Variants in ERC2 observed in about 807,000 individuals in gnomAD.
ERC2 encodes ERC protein 2.
In ERC2, 42 loss-of-function variants were observed where a neutral mutation model predicts 114.8. The observed-to-expected ratio is 0.37, with a 90% CI of 0.29 to 0.47. ERC2 has a LOEUF of 0.47. Ranked by LOEUF, ERC2 falls within the 20% of genes least tolerant of loss-of-function variation. The pLI is 0.99. For synonymous variants in ERC2, 454 were observed against 425.5 expected (o/e 1.07, Z -0.82); for missense variants, 939 against 1,150.7 (o/e 0.82, Z 2.66).
intron 17 of ERC2, among the ~76,000 whole-genome samples, chr3:55,545,294 G>A (rs1201026156): frequency 6.6e-6 from 1 of 152,180 alleles, no homozygotes; most frequent in Admixed American, 6.5e-5. Flanking sequence ...GGCAACCAGA[G>A]AGCTCCTTCT....
At chr3:56,213,325 T>A (rs1188114499) in intron 3 of ERC2, among the ~76,000 whole-genome samples, 1 of 152,208 alleles carries the variant, frequency 6.6e-6, no homozygotes, top group Non-Finnish European at 1.5e-5. Flanking sequence ...CCTAATACTG[T>A]GCTTTTCCTA....
At chr3:56,304,613 T>C (rs2056100102) in intron 2 of ERC2, among the ~76,000 whole-genome samples, 1 of 152,156 alleles carries the variant, frequency 6.6e-6, no homozygotes, top group South Asian at 2.1e-4. Flanking sequence ...ACTTAGACGA[T>C]GAGTATTATT....
At position 55,674,676 on chromosome 3, in the gene ERC2, G is replaced by A. The variant is rs537078571; in HGVS notation, c.*39+9118C>T. Among the ~76,000 whole-genome samples, 46 of 152,174 alleles carry A rather than the reference G, an allele frequency of 3.0e-4. 1 individual carries two copies. The South Asian group carries it at 4.6e-3, about 15-fold the overall frequency. ...ATATGGGAGTCTGCCTTTTTATTCT[G>A]GATCTAATAGGTTTAACTGAGAAAT... On this transcript the variant is annotated intron_variant, in intron 17 of 17. Coordinates refer to ENST00000288221, the MANE Select transcript of ERC2 (RefSeq NM_015576.3).
At chr3:55,677,733 A>T (rs750717074) in intron 17 of ERC2, among the ~76,000 whole-genome samples, 1 of 152,146 alleles carries the variant, frequency 6.6e-6, no homozygotes, top group Non-Finnish European at 1.5e-5. Flanking sequence ...TTTCTGAGTC[A>T]CTGGCCCCTC....
At chr3:55,715,133 C>T (rs1049899396) in intron 15 of ERC2, among the ~76,000 whole-genome samples, 1 of 152,188 alleles carries the variant, frequency 6.6e-6, no homozygotes, top group Non-Finnish European at 1.5e-5. Context: ...ACCAATCTCT[C>T]TTAAGTTTAG....
chr3:55,669,802 C>T (rs1294696846), intron 17 of ERC2, among the ~76,000 whole-genome samples: 2 of 152,226 alleles, frequency 1.3e-5, no homozygotes, highest in African/African-American at 4.8e-5. Flanking sequence ...GAGAATGGTT[C>T]CATTTGTTCC....
chr3:55,709,777 T>G (rs1291768104), intron 15 of ERC2, among the ~76,000 whole-genome samples: 1 of 151,996 alleles, frequency 6.6e-6, no homozygotes, highest in Admixed American at 6.6e-5. Context: ...AAACATGTGG[T>G]GGGGCTGTGT....
chr3:56,184,506 C>A (rs997495405), intron 3 of ERC2, among the ~76,000 whole-genome samples: 1 of 152,116 alleles, frequency 6.6e-6, no homozygotes, highest in Non-Finnish European at 1.5e-5. Context: ...CCATCTAGTG[C>A]CTGATTTGCT....
intron 3 of ERC2, among the ~76,000 whole-genome samples, chr3:56,221,394 CAA>C (rs34151708): frequency 3.9e-4 from 53 of 135,180 alleles, no homozygotes; most frequent in Admixed American, 9.4e-4. Context: ...GTCATCTCAC[CAA>C]AAAAAAAAAA....
At chr3:56,049,096 C>T (rs1215339847) in intron 7 of ERC2, among the ~76,000 whole-genome samples, 1 of 152,110 alleles carries the variant, frequency 6.6e-6, no homozygotes, top group African/African-American at 2.4e-5. Flanking sequence ...AGGCATAGCC[C>T]AGATGATAGA....
chr3:55,967,829 C>A (rs978699886), intron 12 of ERC2, among the ~76,000 whole-genome samples: 3 of 152,122 alleles, frequency 2.0e-5, no homozygotes, highest in African/African-American at 7.2e-5. Flanking sequence ...CCTCTCTCAC[C>A]GTTTCTGTTG....
chr3:55,827,297 A>AAGAG (rs1403448104), intron 14 of ERC2, among the ~76,000 whole-genome samples: 5 of 141,402 alleles, frequency 3.5e-5, no homozygotes, highest in Non-Finnish European at 6.1e-5. Context: ...AGAAAAAAGG[A>AAGAG]AGAGAAAGAA....
intron 17 of ERC2, among the ~76,000 whole-genome samples, chr3:55,675,894 CTTTTCTTTCTTTTTTTTTTTTTTT>C (rs1240003632): frequency 3.8e-4 from 27 of 70,508 alleles, no homozygotes; most frequent in South Asian, 5.9e-4. Context: ...CTTTCTTTCT[CTTTTCTTTCTTTTTTTTTTTTTTT>C]TTTTTTTTTT....
intron 10 of ERC2, among the ~76,000 whole-genome samples, chr3:55,999,416 A>C (rs1345872176): frequency 6.6e-6 from 1 of 152,180 alleles, no homozygotes; most frequent in Non-Finnish European, 1.5e-5. Context: ...AAATACTTGC[A>C]GAAGCACTTA....
At chr3:55,675,523 T>C (rs920361489) in intron 17 of ERC2, among the ~76,000 whole-genome samples, 2 of 152,198 alleles carry the variant, frequency 1.3e-5, no homozygotes, top group Non-Finnish European at 2.9e-5. Context: ...TGCTCTGATT[T>C]TAGATGTCGT....
At chr3:56,081,351 C>T (rs1236062716) in intron 6 of ERC2, among the ~76,000 whole-genome samples, 1 of 152,138 alleles carries the variant, frequency 6.6e-6, no homozygotes, top group African/African-American at 2.4e-5. Context: ...AAATACTGCT[C>T]AAGCTTTGCA....
At chr3:56,395,695 AG>A (rs2060280549) in intron 2 of ERC2, among the ~76,000 whole-genome samples, 1 of 152,230 alleles carries the variant, frequency 6.6e-6, no homozygotes, top group Non-Finnish European at 1.5e-5. Context: ...GAATCTGAGC[AG>A]ATGCCAGCAC....
chr3:55,966,709 T>C (rs1412962149), intron 12 of ERC2, among the ~76,000 whole-genome samples: 1 of 152,150 alleles, frequency 6.6e-6, no homozygotes, highest in African/African-American at 2.4e-5. Flanking sequence ...ACCTCTGATT[T>C]ACCACACTTC....
At chr3:55,931,995 C>A (rs1247608922) in intron 13 of ERC2, among the ~76,000 whole-genome samples, 1 of 152,180 alleles carries the variant, frequency 6.6e-6, no homozygotes, top group Non-Finnish European at 1.5e-5. Flanking sequence ...GAATAACGAT[C>A]AACTGGATTT....
Sources: gnomAD v4.1 joint callset for allele counts (sites outside exome capture counted in the v4.1 genomes callset) on GRCh38, gnomAD v4.1.1 for gene constraint, MANE v1.5 for transcripts, NCBI Gene and HGNC (gene_info 2026-07-23, HGNC 2026-07-21) for gene names.